NCOA2: variants seen among roughly 807,000 people sequenced by gnomAD.
NCOA2 encodes the protein nuclear receptor coactivator 2, also known as class E basic helix-loop-helix protein 75.
In NCOA2, 21 loss-of-function variants were observed where a neutral mutation model predicts 145.1. That is an observed-to-expected ratio of 0.14 (90% CI 0.10 to 0.21). The LOEUF is 0.21. Among genes scored for constraint, NCOA2 ranks in the 10% least tolerant of loss-of-function variants. The probability of loss-of-function intolerance (pLI) is 1.00; values close to 1 mark genes in which losing one functional copy is unlikely to be tolerated. For synonymous variants in NCOA2, 619 were observed against 637.5 expected (o/e 0.97, Z 0.44); for missense variants, 1,472 against 1,837.6 (o/e 0.80, Z 3.64).
At position 70,301,452 on chromosome 8, in the gene NCOA2, G is replaced by A. The variant is rs79954485; in HGVS notation, c.-76-4652C>T. Reference sequence around the variant, plus strand: ...GCATATCACTTGAGCCCAGGAGTTCGAAACCAGCTTGGGGCAACAAGGTAA... The same window carrying A: ...GCATATCACTTGAGCCCAGGAGTTCAAAACCAGCTTGGGGCAACAAGGTAA... On this transcript the variant is annotated intron_variant, in intron 1 of 22. Transcript: ENST00000452400. 9.4e-4 allele frequency among the ~76,000 whole-genome samples: 143 copies of A among 151,656 alleles called. 3 individuals are homozygous for A. In the East Asian group the frequency reaches 0.016, roughly 17 times the overall value.
At chr8:70,261,304 A>T (rs1824102657) in intron 2 of NCOA2, among the ~76,000 whole-genome samples, 1 of 152,218 alleles carries the variant, frequency 6.6e-6, no homozygotes, top group Non-Finnish European at 1.5e-5. Flanking sequence ...CTTTGTAGGG[A>T]CATGGATGAA....
intron 4 of NCOA2, among the ~76,000 whole-genome samples, chr8:70,201,049 CAAAAAAAAAAA>C (rs60951750): frequency 1.6e-5 from 1 of 63,946 alleles, no homozygotes; most frequent in African/African-American, 6.6e-5. Flanking sequence ...GACTGTGTCT[CAAAAAAAAAAA>C]AAAAAAAAAA....
chr8:70,169,747 T>A (rs536761519), intron 6 of NCOA2, among the ~76,000 whole-genome samples: 151 of 152,286 alleles, frequency 9.9e-4, no homozygotes, highest in Non-Finnish European at 1.9e-3. Flanking sequence ...ACACCTACTA[T>A]GTATGCACAA....
At chr8:70,287,580 A>G (rs1337416486) in intron 2 of NCOA2, among the ~76,000 whole-genome samples, 1 of 152,222 alleles carries the variant, frequency 6.6e-6, no homozygotes, top group African/African-American at 2.4e-5. Context: ...TCCATCTTTC[A>G]AAACAAAATA....
At chr8:70,352,161 TTAAC>T (rs1206310603) in intron 1 of NCOA2, among the ~76,000 whole-genome samples, 2 of 152,192 alleles carry the variant, frequency 1.3e-5, no homozygotes, top group Non-Finnish European at 2.9e-5. Flanking sequence ...ACCCTTTTAA[TTAAC>T]TGTTTATTAA....
At chr8:70,408,775 C>CTTTT (rs34645469), upstream of NCOA2, among the ~76,000 whole-genome samples, 1 of 126,286 alleles carries the variant, frequency 7.9e-6, no homozygotes, top group African/African-American at 3.0e-5. Flanking sequence ...CCACACCCAG[C>CTTTT]TTTTTTTTTT....
At chr8:70,221,925 C>A (rs1323087580) in intron 2 of NCOA2, among the ~76,000 whole-genome samples, 5 of 152,066 alleles carry the variant, frequency 3.3e-5, no homozygotes, top group Non-Finnish European at 5.9e-5. Flanking sequence ...AAAATTTTTA[C>A]CTAGTAAAAT....
intron 1 of NCOA2, among the ~76,000 whole-genome samples, chr8:70,313,202 G>C (rs1205603034): frequency 6.6e-6 from 1 of 152,084 alleles, no homozygotes. Flanking sequence ...TGAGGCAAAG[G>C]CTAATTAGCT....
intron 13 of NCOA2, among the ~76,000 whole-genome samples, chr8:70,144,414 G>A (rs905483244): frequency 6.6e-6 from 1 of 152,088 alleles, no homozygotes; most frequent in Admixed American, 6.6e-5. Flanking sequence ...TAGGATTAAT[G>A]GTTGGAAACC....
intron 5 of NCOA2, among the ~76,000 whole-genome samples, chr8:70,171,821 C>T (rs1218758954): frequency 1.3e-5 from 2 of 151,664 alleles, no homozygotes; most frequent in Admixed American, 6.6e-5. Flanking sequence ...CACCACCACA[C>T]CCAGATATTT....
chr8:70,335,861 G>T (rs552024455), intron 1 of NCOA2, among the ~76,000 whole-genome samples: 69 of 152,254 alleles, frequency 4.5e-4, no homozygotes, highest in Non-Finnish European at 8.8e-4. Context: ...CCACAAACCT[G>T]TACAGTATGC....
chr8:70,278,782 A>C (rs991391830), intron 2 of NCOA2, among the ~76,000 whole-genome samples: 41 of 152,122 alleles, frequency 2.7e-4, no homozygotes, highest in African/African-American at 9.6e-4. Context: ...GGCTGGACAA[A>C]TGGCAAAACC....
chr8:70,451,237 A>ATATAT, the NCOA2 span, among the ~76,000 whole-genome samples: 42 of 69,482 alleles, frequency 6.0e-4, no homozygotes, highest in Middle Eastern at 6.4e-3. Context: ...AAAAAAAAAA[A>ATATAT]ATATATATAT....
rs771659808 is a variant in NCOA2 at position 70,156,760 on chromosome 8, A to T, written c.1605T>A (p.Asn535Lys). The part of the protein sequence containing the change: ...NSHSYTNSSL[N>K]ALQALSEGHG... ...GCCCCTCGCTGAGGGCCTGAAGTGC[A>T]TTGAGGGAGCTGTTGGTATAACTAT... The change falls in exon 11 of 23, where the codon AAT becomes AAA. Residue 535 changes from asparagine to lysine, a missense_variant. Transcript: ENST00000452400. The T allele has an allele frequency of 6.2e-7, 1 of 1,613,822 alleles. No individual in the cohort carries two copies. The highest frequency in any genetic ancestry group is 2.2e-5 in the East Asian group (1 of 44,878).
intron 1 of NCOA2, among the ~76,000 whole-genome samples, chr8:70,338,848 A>G (rs1305205943): frequency 2.0e-5 from 3 of 152,140 alleles, no homozygotes; most frequent in African/African-American, 4.8e-5. Context: ...AAGACAAAAA[A>G]CACATGATTA....
chr8:70,377,828 ATAAAT>A (rs1382008155), intron 1 of NCOA2, among the ~76,000 whole-genome samples: 1 of 152,226 alleles, frequency 6.6e-6, no homozygotes, highest in Non-Finnish European at 1.5e-5. Context: ...ACTGGAGCTT[ATAAAT>A]CTAAATTAAA....
chr8:70,199,058 C>G (rs1420086730), intron 4 of NCOA2, among the ~76,000 whole-genome samples: 1 of 151,984 alleles, frequency 6.6e-6, no homozygotes, highest in African/African-American at 2.4e-5. Flanking sequence ...ATAGTTAAAA[C>G]TCATTAAAGA....
At chr8:70,281,927 T>C (rs1308478995) in intron 2 of NCOA2, among the ~76,000 whole-genome samples, 1 of 152,244 alleles carries the variant, frequency 6.6e-6, no homozygotes, top group Non-Finnish European at 1.5e-5. Context: ...CCTAAAAGTG[T>C]ATGATATAAT....
rs1465135873 is a variant in NCOA2, at chr8:70,403,740, G to A, written c.-117C>T. The A allele has an allele frequency of 5.0e-6, 2 of 397,296 alleles. No individual in the cohort carries two copies. The highest frequency in any genetic ancestry group is 8.9e-6 in the Non-Finnish European group (2 of 225,308). 24.6% of individuals were successfully genotyped at this position (397,296 alleles called of 1,614,324 possible). A position where few individuals can be genotyped will look rare whatever the true frequency, so the allele number is the denominator to read the frequency against. On this transcript the variant is annotated 5_prime_UTR_variant, in exon 1 of 23. Transcript: ENST00000452400. ...ACGCCGTCAGGTGCCGGCTGCCGTC[G>A]GCGCTGACCTTCGCCGCCGAAGCTG... is the stretch of plus-strand genomic sequence containing the variant.
Sources: allele counts gnomAD v4.1 joint callset (sites outside exome capture counted in the v4.1 genomes callset), GRCh38; gene constraint gnomAD v4.1.1; transcripts MANE v1.5; gene names NCBI Gene and HGNC (gene_info 2026-07-23, HGNC 2026-07-21).